The following NELL1 variants were observed in gnomAD, a reference collection of about 807,000 sequenced individuals.
NELL1 encodes the protein neural EGFL like 1.
NELL1 carries 76 observed loss-of-function variants against 107.4 expected under a neutral mutation model. The observed-to-expected ratio is 0.71, with a 90% CI of 0.59 to 0.86. NELL1 has a LOEUF of 0.86. Ranked by LOEUF, NELL1 falls within the 40% of genes least tolerant of loss-of-function variation. The pLI, the probability that NELL1 is intolerant of heterozygous loss-of-function variation, is 0.00. For missense variants in NELL1, 1,024 were observed against 1,005.5 expected (o/e 1.02, Z -0.25); for synonymous variants, 353 against 341.2 (o/e 1.03, Z -0.38).
At chr11:20,686,612 G>C (rs969519800) in intron 2 of NELL1, among the ~76,000 whole-genome samples, 1 of 152,160 alleles carries the variant, frequency 6.6e-6, no homozygotes, top group African/African-American at 2.4e-5. Flanking sequence ...TGAATTTGTT[G>C]TAGCTTGGCA....
chr11:21,453,116 T>C (rs1159811811), intron 15 of NELL1, among the ~76,000 whole-genome samples: 2 of 152,134 alleles, frequency 1.3e-5, no homozygotes, highest in Non-Finnish European at 2.9e-5. Context: ...TAAATGTCAA[T>C]AAGGATATTT....
At chr11:21,400,914 G>A (rs886310321) in intron 15 of NELL1, among the ~76,000 whole-genome samples, 4 of 151,848 alleles carry the variant, frequency 2.6e-5, no homozygotes, top group African/African-American at 9.7e-5. Flanking sequence ...GAAGAGAGGA[G>A]CCAGGGAAGG....
At chr11:21,069,264 T>C (rs1331317241) in intron 12 of NELL1, among the ~76,000 whole-genome samples, 1 of 152,158 alleles carries the variant, frequency 6.6e-6, no homozygotes, top group African/African-American at 2.4e-5. Flanking sequence ...GTCCTGCACA[T>C]GTACCCTTGA....
intron 13 of NELL1, among the ~76,000 whole-genome samples, chr11:21,224,116 G>A (rs1323869630): frequency 1.3e-5 from 2 of 152,098 alleles, no homozygotes; most frequent in African/African-American, 4.8e-5. Context: ...CCTTTTGAAA[G>A]TTTGACTATA....
At chr11:20,993,514 T>C (rs10500885) in intron 12 of NELL1, among the ~76,000 whole-genome samples, 19,817 of 152,042 alleles carry the variant, frequency 0.13, 1,513 homozygotes, top group East Asian at 0.26. Context: ...TTAATGAATA[T>C]AGTAAAATGT....
chr11:20,714,583 A>C (rs916668326), intron 2 of NELL1, among the ~76,000 whole-genome samples: 1 of 149,506 alleles, frequency 6.7e-6, no homozygotes, highest in African/African-American at 2.5e-5. Context: ...GTGCAGTGGC[A>C]TGTTGCCAGC....
intron 15 of NELL1, among the ~76,000 whole-genome samples, chr11:21,481,440 T>A (rs942186514): frequency 6.6e-6 from 1 of 152,148 alleles, no homozygotes; most frequent in Non-Finnish European, 1.5e-5. Context: ...TTAATAATGG[T>A]CTTCAAGGAT....
At chr11:21,294,693 G>C (rs903332999) in intron 14 of NELL1, among the ~76,000 whole-genome samples, 6 of 151,948 alleles carry the variant, frequency 3.9e-5, no homozygotes, top group Non-Finnish European at 7.4e-5. Flanking sequence ...TTTACCTGAG[G>C]TCACACAACT....
intron 15 of NELL1, among the ~76,000 whole-genome samples, chr11:21,488,930 T>C (rs1349215898): frequency 6.6e-6 from 1 of 151,874 alleles, no homozygotes; most frequent in East Asian, 1.9e-4. Flanking sequence ...AATTAGATCA[T>C]TTAAATAATA....
intron 13 of NELL1, among the ~76,000 whole-genome samples, chr11:21,167,941 T>G (rs1856521066): frequency 6.6e-6 from 1 of 151,792 alleles, no homozygotes; most frequent in African/African-American, 2.4e-5. Flanking sequence ...GTACTTTTCA[T>G]TGTTCTATTT....
chr11:20,715,303 G>T lies in NELL1; in HGVS notation c.184+37243G>T, dbSNP rs372105564. Among the ~76,000 whole-genome samples, 950 of 145,126 alleles carry T rather than the reference G, an allele frequency of 6.5e-3. 15 individuals carry two copies. Among genetic ancestry groups the T allele is most frequent in the African/African-American group, 0.023 (913 of 38,972 alleles). On this transcript the variant is annotated intron_variant, in intron 2 of 19. Transcript: ENST00000357134. ...TGACTGCCATTTGAGCTGGGTTTTTGTTTTTTTTTTTTTTTAAAGAATGAT... is the reference window on the plus strand; with the variant it reads ...TGACTGCCATTTGAGCTGGGTTTTTTTTTTTTTTTTTTTTTAAAGAATGAT...
Position 20,985,035 on chromosome 11 carries a change from A to G in NELL1, c.1300+24475A>G, listed in dbSNP as rs1413886530. ...AACTTTGTTTGCTGAAAAATATGTA[A>G]AATAATTTTTTTGGATGTGATTCAC... On this transcript the variant is annotated intron_variant, in intron 12 of 19. Coordinates refer to ENST00000357134, the MANE Select transcript of NELL1 (RefSeq NM_006157.5). Among the ~76,000 whole-genome samples the G allele has an allele frequency of 2.6e-5, 4 of 152,230 alleles. No individual in the cohort carries two copies. The East Asian group carries it at 7.7e-4, about 29-fold the overall frequency.
chr11:21,117,168 C>A (rs761238795), intron 13 of NELL1, among the ~76,000 whole-genome samples: 5 of 151,932 alleles, frequency 3.3e-5, no homozygotes, highest in Non-Finnish European at 7.4e-5. Flanking sequence ...TTCTCATTTA[C>A]CTCTTAGCCT....
chr11:21,113,446 C>T, intron 12 of NELL1, 143 bp from the exon 13 acceptor site: 1 of 779,700 alleles, frequency 1.3e-6, no homozygotes, highest in Non-Finnish European at 2.0e-6. Context: ...GCTGAATTTT[C>T]ACCTAAGCTT....
chr11:20,795,915 G>A (rs1430951820), intron 3 of NELL1, among the ~76,000 whole-genome samples: 2 of 152,144 alleles, frequency 1.3e-5, no homozygotes, highest in African/African-American at 2.4e-5. Flanking sequence ...ATTGCTAGAT[G>A]TTTGAGCGTT....
chr11:20,714,354 C>G (rs1291122728), intron 2 of NELL1, among the ~76,000 whole-genome samples: 1 of 112,350 alleles, frequency 8.9e-6, no homozygotes, highest in East Asian at 2.7e-4. Context: ...CAGGATCACG[C>G]CACCACGCCC....
chr11:20,705,803 G>T lies in NELL1; in HGVS notation c.184+27743G>T, dbSNP rs553140429. Among the ~76,000 whole-genome samples, 207 of 151,164 alleles carry T rather than the reference G, an allele frequency of 1.4e-3. 1 individual carries two copies. Among genetic ancestry groups the T allele is most frequent in the African/African-American group, 4.8e-3 (195 of 41,040 alleles). The stretch of plus-strand genomic sequence containing the variant: ...CTAATATCCAGAATCTACAATGAAC[G>T]CCAACAAATTTACAAGAAAAAATCA... On this transcript the variant is annotated intron_variant, in intron 2 of 19. Coordinates refer to ENST00000357134, the MANE Select transcript of NELL1 (RefSeq NM_006157.5).
chr11:21,267,509 G>T (rs1179585863), intron 14 of NELL1, among the ~76,000 whole-genome samples: 1 of 151,924 alleles, frequency 6.6e-6, no homozygotes, highest in East Asian at 1.9e-4. Context: ...ATGCTTTTGC[G>T]AGTATGATCT....
chr11:20,907,476 A>T (rs947811352), intron 5 of NELL1, among the ~76,000 whole-genome samples: 1 of 152,102 alleles, frequency 6.6e-6, no homozygotes, highest in Non-Finnish European at 1.5e-5. Flanking sequence ...AAGATACTCA[A>T]CATCTTTAGT....
Sources: allele counts gnomAD v4.1 joint callset (sites outside exome capture counted in the v4.1 genomes callset), GRCh38; gene constraint gnomAD v4.1.1; transcripts MANE v1.5; gene names NCBI Gene and HGNC (gene_info 2026-07-23, HGNC 2026-07-21).